MYO16: variants seen among roughly 807,000 people sequenced by gnomAD.
MYO16 encodes unconventional myosin-XVI.
In MYO16, 94 loss-of-function variants were observed where a neutral mutation model predicts 205.3. The ratio of observed to expected loss-of-function variants is 0.46; its 90% CI spans 0.39 to 0.54. The LOEUF is 0.54. Among genes scored for constraint, MYO16 ranks in the 20% least tolerant of loss-of-function variants. The pLI, the probability that MYO16 is intolerant of heterozygous loss-of-function variation, is 0.00. For synonymous variants in MYO16, 988 were observed against 954.0 expected (o/e 1.04, Z -0.66); for missense variants, 2,315 against 2,387.5 (o/e 0.97, Z 0.63).
intron 29 of MYO16, among the ~76,000 whole-genome samples, chr13:109,122,143 T>A (rs775602293): frequency 3.9e-5 from 6 of 152,166 alleles, no homozygotes; most frequent in South Asian, 4.1e-4. Context: ...CAGAGCTTTA[T>A]CTGCAGCCTT....
upstream of MYO16, among the ~76,000 whole-genome samples, chr13:108,628,732 C>G (rs559765206): frequency 7.4e-4 from 113 of 152,232 alleles, no homozygotes; most frequent in African/African-American, 2.7e-3. Context: ...GAGTTTTGTT[C>G]AGTAAGGAAT....
At chr13:108,996,814 G>T (rs768270655) in intron 21 of MYO16, among the ~76,000 whole-genome samples, 2 of 152,244 alleles carry the variant, frequency 1.3e-5, no homozygotes, top group Non-Finnish European at 2.9e-5. Flanking sequence ...ATAAATGATA[G>T]AATTTTTTCT....
At chr13:108,603,252 T>C (rs1252320607) in intron 1 of MYO16, among the ~76,000 whole-genome samples, 1 of 152,154 alleles carries the variant, frequency 6.6e-6, no homozygotes, top group Non-Finnish European at 1.5e-5. Context: ...ATCCTGGACA[T>C]GTTTACATCA....
rs754246442 is a variant in MYO16, at chr13:108,785,670, A to G, written c.543A>G (p.Gly181=). The G allele has an allele frequency of 1.7e-5, 27 of 1,613,048 alleles. No homozygotes were observed. In the South Asian group the frequency reaches 3.0e-4, roughly 18 times the overall value. Residue 181 remains glycine, a synonymous_variant, in exon 5 of 35, where the codon GGA becomes GGG. Transcript: ENST00000457511. ...GANVLLQDVN[G]NIPLDYAVEG... ...ATGTCCTTCTCCAGGATGTGAATGG[A>G]AATATCCCATTAGATTATGCTGTAG...
At chr13:108,919,140 C>T (rs963291076) in intron 16 of MYO16, among the ~76,000 whole-genome samples, 9 of 152,162 alleles carry the variant, frequency 5.9e-5, no homozygotes, top group Non-Finnish European at 1.0e-4. Flanking sequence ...AGGCCGTCTT[C>T]CCAGTCATGT....
chr13:108,869,597 G>A (rs1566379405), intron 12 of MYO16, among the ~76,000 whole-genome samples: 1 of 150,444 alleles, frequency 6.6e-6, no homozygotes, highest in Non-Finnish European at 1.5e-5. Flanking sequence ...CGGGCGTCGT[G>A]GCGGGCGTCT....
At position 108,866,755 on chromosome 13, in the gene MYO16, G is replaced by C. The variant is rs966902217; in HGVS notation, c.1425+513G>C. On this transcript the variant is annotated intron_variant, in intron 12 of 34. Coordinates refer to ENST00000457511, the MANE Select transcript of MYO16 (RefSeq NM_001198950.3). Reference sequence around the variant, plus strand: ...CAATTGAAAATGCAGTATGATTTTTGAGTAGAAATGGGTCAAAAATACTAT... The same window carrying C: ...CAATTGAAAATGCAGTATGATTTTTCAGTAGAAATGGGTCAAAAATACTAT... Among the ~76,000 whole-genome samples, 4 of 152,112 alleles carry C rather than the reference G, an allele frequency of 2.6e-5. No individual in the cohort carries two copies. The East Asian group carries it at 7.7e-4, about 29-fold the overall frequency.
intron 4 of MYO16, 56 bp from the exon 5 acceptor site, chr13:108,785,579 A>G: frequency 9.4e-7 from 1 of 1,064,868 alleles, no homozygotes; most frequent in South Asian, 1.6e-5. Context: ...ACAACTCCTA[A>G]TCTGCTTTTA....
rs1043413081 is a variant in MYO16, at chr13:109,125,975, G to C, written c.3782+617G>C. The stretch of plus-strand genomic sequence containing the variant: ...TCCATTTGATCACTCTCCTCTCTCT[G>C]TGAATGATGAAGACACCCGTGAATC... On this transcript the variant is annotated intron_variant, in intron 30 of 34. Transcript: ENST00000457511. The surrounding 1 kb of genome is among the most constrained non-coding windows in gnomAD (Gnocchi z 4.0). Among the ~76,000 whole-genome samples, 3 of 152,136 alleles carry C rather than the reference G, an allele frequency of 2.0e-5. No homozygotes were observed. The highest frequency in any genetic ancestry group is 4.4e-5 in the Non-Finnish European group (3 of 68,018).
At chr13:108,667,569 G>C (rs539123714) in intron 2 of MYO16, among the ~76,000 whole-genome samples, 1 of 152,154 alleles carries the variant, frequency 6.6e-6, no homozygotes, top group African/African-American at 2.4e-5. Context: ...ATCGAAGGTA[G>C]GGAGAATGCC....
chr13:108,883,756 G>A (rs1879726948), intron 13 of MYO16, among the ~76,000 whole-genome samples: 3 of 151,736 alleles, frequency 2.0e-5, no homozygotes, highest in Admixed American at 1.3e-4. Flanking sequence ...CTCCCAAGTA[G>A]CTGGGACTAC....
chr13:108,869,748 A>G (rs1878950540), intron 12 of MYO16, among the ~76,000 whole-genome samples: 1 of 147,342 alleles, frequency 6.8e-6, no homozygotes, highest in African/African-American at 2.5e-5. Flanking sequence ...AAAAAAAAAA[A>G]AAAAAAAAAA....
chr13:108,793,285 C>CAA (rs756851025), intron 5 of MYO16, among the ~76,000 whole-genome samples: 4,167 of 98,226 alleles, frequency 0.042, 268 homozygotes, highest in African/African-American at 0.14. Flanking sequence ...GACTCTGTCT[C>CAA]AAAAAAAAAA....
chr13:109,016,333 T>G (rs1482868037), intron 22 of MYO16, among the ~76,000 whole-genome samples: 1 of 152,208 alleles, frequency 6.6e-6, no homozygotes, highest in Non-Finnish European at 1.5e-5. Flanking sequence ...AGAGACAGTT[T>G]GTTGTGATTA....
intron 6 of MYO16, among the ~76,000 whole-genome samples, chr13:108,805,981 C>T (rs1022917104): frequency 2.8e-5 from 3 of 107,370 alleles, no homozygotes; most frequent in South Asian, 4.1e-4. Flanking sequence ...TTTAGTGGCA[C>T]GTACCTGTAT....
At chr13:108,949,989 CAAA>C (rs201871028) in intron 16 of MYO16, among the ~76,000 whole-genome samples, 2,320 of 134,206 alleles carry the variant, frequency 0.017, 59 homozygotes, top group African/African-American at 0.055. Context: ...GCAAAACAAG[CAAA>C]AAAAAAAAAT....
rs1220325135 is a variant in MYO16 at position 108,909,033 on chromosome 13, A to G, written c.1778-970A>G. Among the ~76,000 whole-genome samples the G allele has an allele frequency of 3.8e-5, 5 of 131,038 alleles. No homozygotes were observed. In the East Asian group the frequency reaches 7.8e-4, roughly 20 times the overall value. 86.0% of individuals were successfully genotyped at this position (131,038 alleles called of 152,430 possible). ...AAATAAAAATATAATTGAAATACAT[A>G]ATCTGATTATTCATAATGATAAAAA... is the stretch of plus-strand genomic sequence containing the variant. On this transcript the variant is annotated intron_variant, in intron 15 of 34. Coordinates refer to ENST00000457511, the MANE Select transcript of MYO16 (RefSeq NM_001198950.3).
intron 33 of MYO16, among the ~76,000 whole-genome samples, chr13:109,172,327 GT>G (rs1483082432): frequency 2.0e-5 from 3 of 152,204 alleles, no homozygotes; most frequent in Non-Finnish European, 4.4e-5. Flanking sequence ...AGCAACAGAA[GT>G]TACCTTTGCA....
chr13:108,941,868 A>G (rs1043898219), intron 16 of MYO16, among the ~76,000 whole-genome samples: 1 of 152,142 alleles, frequency 6.6e-6, no homozygotes. Flanking sequence ...GAAAGTTCAA[A>G]TTAATTAAAA....
Sources: allele counts gnomAD v4.1 joint callset (sites outside exome capture counted in the v4.1 genomes callset), GRCh38; gene constraint gnomAD v4.1.1; non-coding constraint Gnocchi (gnomAD v3.1); transcripts MANE v1.5; gene names NCBI Gene and HGNC (gene_info 2026-07-23, HGNC 2026-07-21).